The following RAB38 variants were observed in gnomAD, a reference collection of about 807,000 sequenced individuals.
The protein encoded by RAB38 is RAB38, member RAS oncogene family.
Under a neutral mutation model 18.4 loss-of-function variants are expected in RAB38, and 15 were observed. The ratio of observed to expected loss-of-function variants is 0.82; its 90% CI spans 0.55 to 1.26. RAB38 has a LOEUF of 1.26. Ranked by LOEUF, RAB38 falls within the 50% of genes most tolerant of loss-of-function variation. The pLI, the probability that RAB38 is intolerant of heterozygous loss-of-function variation, is 0.00. For synonymous variants in RAB38, 101 were observed against 104.4 expected (o/e 0.97, Z 0.20); for missense variants, 294 against 267.4 (o/e 1.10, Z -0.69).
the RAB38 span, among the ~76,000 whole-genome samples, chr11:87,933,570 A>T: frequency 1.3e-5 from 2 of 152,092 alleles, no homozygotes; most frequent in East Asian, 3.9e-4. Context: ...GTAAATGTGA[A>T]GCTTCCTTGG....
chr11:88,088,943 C>T, the RAB38 span, among the ~76,000 whole-genome samples: 1 of 84,306 alleles, frequency 1.2e-5, no homozygotes, highest in African/African-American at 5.1e-5. Context: ...CTCACAGGAG[C>T]TGACAAAAAA....
At chr11:87,932,726 G>C in the RAB38 span, among the ~76,000 whole-genome samples, 25 of 152,140 alleles carry the variant, frequency 1.6e-4, 1 homozygote, top group African/African-American at 6.0e-4. Flanking sequence ...TTTTGTGTAA[G>C]TACAGCTGCA....
chr11:87,967,421 G>A, the RAB38 span, among the ~76,000 whole-genome samples: 1 of 152,170 alleles, frequency 6.6e-6, no homozygotes, highest in East Asian at 1.9e-4. Flanking sequence ...GGTGGGTCTA[G>A]GATAATATAT....
intron 2 of RAB38, 115 bp from the exon 3 acceptor site, chr11:88,114,255 A>T: frequency 9.3e-7 from 1 of 1,077,128 alleles, no homozygotes; most frequent in South Asian, 1.5e-5. Flanking sequence ...CTACATATGC[A>T]TCCCCCTCCT....
chr11:88,039,398 T>C, the RAB38 span, among the ~76,000 whole-genome samples: 1 of 152,038 alleles, frequency 6.6e-6, no homozygotes, highest in Admixed American at 6.6e-5. Flanking sequence ...AAACCAGACC[T>C]ATTTATGAGG....
At chr11:87,907,967 T>C in the RAB38 span, among the ~76,000 whole-genome samples, 1 of 151,806 alleles carries the variant, frequency 6.6e-6, no homozygotes. Flanking sequence ...GAAAATGATG[T>C]CTGATTTACT....
chr11:88,005,545 G>T, the RAB38 span, among the ~76,000 whole-genome samples: 1 of 150,660 alleles, frequency 6.6e-6, no homozygotes, highest in African/African-American at 2.4e-5. Flanking sequence ...TTTGTTGGTT[G>T]TCTCTTTGCT....
the RAB38 span, among the ~76,000 whole-genome samples, chr11:88,016,930 G>C: frequency 6.6e-6 from 1 of 152,030 alleles, no homozygotes; most frequent in Non-Finnish European, 1.5e-5. Context: ...AGAACCCACA[G>C]CAGGATGGAT....
At chr11:87,813,204 G>A in the RAB38 span, among the ~76,000 whole-genome samples, 6 of 152,284 alleles carry the variant, frequency 3.9e-5, no homozygotes, top group East Asian at 1.2e-3. Context: ...ATAACCATTT[G>A]AGAAACCTCA....
chr11:88,161,060 C>T (rs2134844793), intron 1 of RAB38, among the ~76,000 whole-genome samples: 2 of 152,204 alleles, frequency 1.3e-5, no homozygotes, highest in African/African-American at 4.8e-5. Flanking sequence ...CTTACCATTA[C>T]TCTCTGCTGT....
chr11:87,858,203 G>A, the RAB38 span, among the ~76,000 whole-genome samples: 4 of 152,118 alleles, frequency 2.6e-5, no homozygotes, highest in Non-Finnish European at 4.4e-5. Context: ...TGAGGGTCCT[G>A]TTCTGTTCCA....
chr11:87,936,199 T>C, the RAB38 span, among the ~76,000 whole-genome samples: 2 of 152,088 alleles, frequency 1.3e-5, no homozygotes, highest in African/African-American at 2.4e-5. Context: ...TGGTGTCAAG[T>C]CTATAAACTC....
the RAB38 span, among the ~76,000 whole-genome samples, chr11:87,903,344 TTGA>T: frequency 6.6e-6 from 1 of 151,518 alleles, no homozygotes; most frequent in Non-Finnish European, 1.5e-5. Context: ...TTTTATTCAC[TTGA>T]TAAGTTGAAT....
intron 2 of RAB38, among the ~76,000 whole-genome samples, chr11:88,127,012 G>A (rs1942705819): frequency 6.6e-6 from 1 of 152,170 alleles, no homozygotes; most frequent in Middle Eastern, 3.2e-3. Context: ...TTCTTCATTA[G>A]AGTAAGATAT....
chr11:88,104,684 T>C, the RAB38 span, among the ~76,000 whole-genome samples: 1 of 152,174 alleles, frequency 6.6e-6, no homozygotes, highest in Non-Finnish European at 1.5e-5. Context: ...TACCAATTCA[T>C]GATGATTTTT....
chr11:87,950,873 C>T, the RAB38 span, among the ~76,000 whole-genome samples: 1 of 152,132 alleles, frequency 6.6e-6, no homozygotes, highest in African/African-American at 2.4e-5. Flanking sequence ...CTTGGAGTTG[C>T]TCTTCTCAGG....
chr11:87,935,800 T>G, the RAB38 span, among the ~76,000 whole-genome samples: 2 of 152,118 alleles, frequency 1.3e-5, no homozygotes. Context: ...TTTTATAATT[T>G]TGTCATTTGA....
the RAB38 span, among the ~76,000 whole-genome samples, chr11:87,858,560 C>CAG: frequency 6.6e-6 from 1 of 152,100 alleles, no homozygotes; most frequent in Non-Finnish European, 1.5e-5. Flanking sequence ...AAATTATTTA[C>CAG]AGACAGGTGC....
At chr11:88,112,495 A>C (rs1942486699), downstream of RAB38, among the ~76,000 whole-genome samples, 1 of 152,164 alleles carries the variant, frequency 6.6e-6, no homozygotes. Flanking sequence ...CTCATCCTCT[A>C]TCTCAGGATC....
Sources: gnomAD v4.1 joint callset for allele counts (sites outside exome capture counted in the v4.1 genomes callset) on GRCh38, gnomAD v4.1.1 for gene constraint, MANE v1.5 for transcripts, NCBI Gene and HGNC (gene_info 2026-07-23, HGNC 2026-07-21) for gene names.